Variants in TMEM163 observed in about 807,000 individuals in gnomAD.
The protein encoded by TMEM163 is transmembrane protein 163.
Under a neutral mutation model 29.3 loss-of-function variants are expected in TMEM163, and 17 were observed. The observed-to-expected ratio is 0.58, with a 90% CI of 0.40 to 0.87. The LOEUF is 0.87. Among genes scored for constraint, TMEM163 ranks in the 40% least tolerant of loss-of-function variants. The pLI, the probability that TMEM163 is intolerant of heterozygous loss-of-function variation, is 0.00. For missense variants in TMEM163, 303 were observed against 381.5 expected, an observed-to-expected ratio of 0.79 and a Z score of 1.71; for synonymous variants, 157 against 160.6, an observed-to-expected ratio of 0.98 and a Z score of 0.17.
rs757299602 is a variant in TMEM163 at position 134,460,439 on chromosome 2, C to G, written c.668-2266G>C. 2.0e-5 allele frequency among the ~76,000 whole-genome samples: 3 copies of G among 152,224 alleles called. 1 individual carries two copies. Among genetic ancestry groups the G allele is most frequent in the South Asian group, 4.1e-4 (2 of 4,834 alleles). ...TTGCCATTTTAACCGCCCCCCTCCT[C>G]TCACTGGAAACCTAAGCTTAAGGAC... On this transcript the variant is annotated intron_variant, in intron 6 of 7. Coordinates refer to ENST00000281924, the MANE Select transcript of TMEM163 (RefSeq NM_030923.5). This position sits in a 1 kb window ranked among gnomAD's most constrained non-coding sequence, Gnocchi z 4.3.
chr2:134,639,093 G>C (rs1009835862), intron 2 of TMEM163, among the ~76,000 whole-genome samples: 2 of 152,128 alleles, frequency 1.3e-5, no homozygotes, highest in African/African-American at 2.4e-5. Context: ...CTGACGCCTG[G>C]ACCCACAGTC....
intron 2 of TMEM163, among the ~76,000 whole-genome samples, chr2:134,590,121 CTT>C (rs35314489): frequency 8.1e-5 from 12 of 147,918 alleles, no homozygotes; most frequent in East Asian, 2.0e-4. Context: ...CCAACTGATT[CTT>C]TTTTTTTTTT....
intron 2 of TMEM163, among the ~76,000 whole-genome samples, chr2:134,608,943 C>G (rs1442844387): frequency 2.1e-3 from 154 of 72,130 alleles, no homozygotes; most frequent in African/African-American, 0.01. Context: ...GGACAGACCC[C>G]GAGAACTGTA....
At chr2:134,549,781 T>C (rs1447059171) in intron 4 of TMEM163, among the ~76,000 whole-genome samples, 1 of 152,216 alleles carries the variant, frequency 6.6e-6, no homozygotes, top group South Asian at 2.1e-4. Context: ...TACATGCACA[T>C]ATATACATAT....
At chr2:134,609,426 C>T (rs1250151696) in intron 2 of TMEM163, among the ~76,000 whole-genome samples, 3 of 80,962 alleles carry the variant, frequency 3.7e-5, no homozygotes, top group Admixed American at 1.1e-4. Context: ...AGACAGACCC[C>T]GAGAACTGTA....
At chr2:134,664,322 G>A (rs557190868) in intron 2 of TMEM163, among the ~76,000 whole-genome samples, 10 of 152,298 alleles carry the variant, frequency 6.6e-5, no homozygotes, top group South Asian at 2.1e-4. Context: ...CATCAGAATC[G>A]CCCGGAGGAC....
chr2:134,496,085 G>A (rs1464957144), intron 5 of TMEM163, among the ~76,000 whole-genome samples: 4 of 148,268 alleles, frequency 2.7e-5, no homozygotes, highest in African/African-American at 7.5e-5. Flanking sequence ...TTTTTGAGAC[G>A]GAGTCTCGCT....
chr2:134,508,809 T>TTC (rs2106489823), intron 4 of TMEM163, among the ~76,000 whole-genome samples: 1 of 108,936 alleles, frequency 9.2e-6, no homozygotes, highest in East Asian at 3.1e-4. Context: ...CTCTCTCCTC[T>TTC]ATCTTCATCT....
chr2:134,489,301 T>C (rs12475920), intron 5 of TMEM163, among the ~76,000 whole-genome samples: 17,489 of 151,690 alleles, frequency 0.12, 1,248 homozygotes, highest in South Asian at 0.2. Flanking sequence ...GGGCCAGGCG[T>C]GATGATGATG....
intron 4 of TMEM163, among the ~76,000 whole-genome samples, chr2:134,541,774 A>G (rs571976251): frequency 8.5e-4 from 13 of 15,370 alleles, no homozygotes; most frequent in African/African-American, 1.8e-3. Context: ...ACACACGTGC[A>G]CACACACACA....
chr2:134,617,679 A>C (rs1368862936), intron 2 of TMEM163, among the ~76,000 whole-genome samples: 1 of 81,390 alleles, frequency 1.2e-5, no homozygotes, highest in South Asian at 2.8e-4. Context: ...ATACAGAATA[A>C]ACGGGAACAA....
At chr2:134,480,981 C>G (rs1574164064) in intron 5 of TMEM163, among the ~76,000 whole-genome samples, 2 of 152,180 alleles carry the variant, frequency 1.3e-5, no homozygotes, top group African/African-American at 4.8e-5. Context: ...CCCCGAAGTT[C>G]CTTCACGTCC....
chr2:134,524,329 T>TCGCCAACATCTGTTGTTTCTTGAC (rs1425890991), intron 4 of TMEM163, among the ~76,000 whole-genome samples: 4 of 44,430 alleles, frequency 9.0e-5, no homozygotes, highest in Admixed American at 5.9e-4. Flanking sequence ...AGAGTTTTTG[T>TCGCCAACATCTGTTGTTTCTTGAC]TTTTTAATAT....
chr2:134,689,150 C>G (rs1684409887), intron 2 of TMEM163, among the ~76,000 whole-genome samples: 2 of 149,290 alleles, frequency 1.3e-5, no homozygotes, highest in Non-Finnish European at 3.0e-5. Flanking sequence ...GCTCTGTCAC[C>G]CAGGCTGGAG....
At chr2:134,710,089 T>C (rs1214060688) in intron 2 of TMEM163, among the ~76,000 whole-genome samples, 1 of 152,204 alleles carries the variant, frequency 6.6e-6, no homozygotes, top group Non-Finnish European at 1.5e-5. Context: ...CAAATATTCA[T>C]TGATATATTA....
chr2:134,502,258 C>G (rs76227737), intron 5 of TMEM163, among the ~76,000 whole-genome samples: 1 of 152,288 alleles, frequency 6.6e-6, no homozygotes, highest in East Asian at 1.9e-4. Context: ...ATGGCAGCAT[C>G]TTCATCTCCT....
chr2:134,635,510 A>G (rs1683084050), intron 2 of TMEM163, among the ~76,000 whole-genome samples: 2 of 152,342 alleles, frequency 1.3e-5, no homozygotes, highest in African/African-American at 4.8e-5. Flanking sequence ...AACAAGTATT[A>G]TACTAGAGGG....
intron 4 of TMEM163, among the ~76,000 whole-genome samples, chr2:134,518,959 C>T (rs1298931582): frequency 6.6e-6 from 1 of 152,154 alleles, no homozygotes; most frequent in Non-Finnish European, 1.5e-5. Flanking sequence ...CACAGACAAA[C>T]TCAGAGTCTA....
chr2:134,657,710 G>A (rs902533652), intron 2 of TMEM163, among the ~76,000 whole-genome samples: 1 of 152,210 alleles, frequency 6.6e-6, no homozygotes, highest in African/African-American at 2.4e-5. Flanking sequence ...GGCTGAGACA[G>A]GAGAATCGCC....
Sources: gnomAD v4.1 joint callset for allele counts (sites outside exome capture counted in the v4.1 genomes callset) on GRCh38, gnomAD v4.1.1 for gene constraint, Gnocchi (gnomAD v3.1) non-coding constraint, MANE v1.5 for transcripts, NCBI Gene and HGNC (gene_info 2026-07-23, HGNC 2026-07-21) for gene names.